FGF14: variants seen among roughly 807,000 people sequenced by gnomAD.
FGF14 encodes fibroblast growth factor homologous factor 4.
A neutral mutation model predicts 25.5 loss-of-function variants in FGF14; 5 were observed. The ratio of observed to expected loss-of-function variants is 0.20; its 90% CI spans 0.10 to 0.41. The LOEUF (loss-of-function observed/expected upper bound fraction) is 0.41. Among genes scored for constraint, FGF14 ranks in the 10% least tolerant of loss-of-function variants. The pLI is 1.00. For synonymous variants in FGF14, 138 were observed against 118.3 expected (o/e 1.17, Z -1.08); for missense variants, 222 against 320.1 (o/e 0.69, Z 2.34).
At chr13:102,074,522 A>C (rs901698419) in intron 1 of FGF14, among the ~76,000 whole-genome samples, 1 of 152,218 alleles carries the variant, frequency 6.6e-6, no homozygotes, top group African/African-American at 2.4e-5. Flanking sequence ...AACTGTAAAC[A>C]AGATAGATTT....
intron 1 of FGF14, among the ~76,000 whole-genome samples, chr13:102,375,744 A>G (rs2058025044): frequency 6.6e-6 from 1 of 152,146 alleles, no homozygotes; most frequent in Admixed American, 6.6e-5. Context: ...CCAAACCCAA[A>G]TCAGCAATTA....
At chr13:102,049,253 T>G (rs17688478) in intron 1 of FGF14, among the ~76,000 whole-genome samples, 4,091 of 152,302 alleles carry the variant, frequency 0.027, 274 homozygotes, top group East Asian at 0.19. Flanking sequence ...AAATGTCCTT[T>G]CTTTTACCTC....
chr13:102,140,051 C>CG (rs1025201591), intron 1 of FGF14, among the ~76,000 whole-genome samples: 2 of 144,442 alleles, frequency 1.4e-5, no homozygotes, highest in East Asian at 2.0e-4. Context: ...AGACCCCCCC[C>CG]CCCCCTTACA....
intron 3 of FGF14, among the ~76,000 whole-genome samples, chr13:101,828,495 A>G (rs2042514213): frequency 6.7e-6 from 1 of 149,442 alleles, no homozygotes; most frequent in African/African-American, 2.5e-5. Context: ...TTGCAAGATG[A>G]GAGAAAGCAT....
intron 1 of FGF14, among the ~76,000 whole-genome samples, chr13:102,180,999 G>A (rs1212780524): frequency 1.3e-5 from 2 of 152,036 alleles, no homozygotes; most frequent in African/African-American, 2.4e-5. Flanking sequence ...CACTCTAATA[G>A]GTTTTGGCCT....
At chr13:101,750,948 T>C (rs2139838727) in intron 3 of FGF14, among the ~76,000 whole-genome samples, 2 of 152,254 alleles carry the variant, frequency 1.3e-5, no homozygotes, top group South Asian at 4.1e-4. Context: ...CTATACACTA[T>C]ACGATTCCAA....
At chr13:102,396,258 T>C (rs557776901) in intron 1 of FGF14, among the ~76,000 whole-genome samples, 89 of 152,264 alleles carry the variant, frequency 5.8e-4, no homozygotes, top group African/African-American at 2.0e-3. Context: ...TGAGTTGGGC[T>C]CAAAGGTTTT....
At chr13:101,737,926 A>G (rs985343531) in intron 3 of FGF14, among the ~76,000 whole-genome samples, 1 of 152,190 alleles carries the variant, frequency 6.6e-6, no homozygotes, top group African/African-American at 2.4e-5. Context: ...AAATGAAACA[A>G]AAGGATCAAA....
At position 101,719,075 on chromosome 13, in the gene FGF14, T is replaced by G. The variant is rs2034827600; in HGVS notation, c.*3756A>C. ...TATTTCAATTATTTTCATCTTGTTC[T>G]CAACTGGATGTTAGTCAATGTGGTC... is the stretch of plus-strand genomic sequence containing the variant. On this transcript the variant is annotated 3_prime_UTR_variant, in exon 5 of 5. Transcript: ENST00000376143. 6.6e-6 allele frequency: 1 copy of G among 152,162 alleles called. No individual in the cohort carries two copies. The highest frequency in any genetic ancestry group is 1.5e-5 in the Non-Finnish European group (1 of 68,022). 9.4% of individuals were successfully genotyped at this position (152,162 alleles called of 1,614,324 possible). A position where few individuals can be genotyped will look rare whatever the true frequency, so the allele number is the denominator to read the frequency against.
chr13:102,346,438 G>C (rs866937347), intron 1 of FGF14, among the ~76,000 whole-genome samples: 1 of 147,418 alleles, frequency 6.8e-6, no homozygotes, highest in Non-Finnish European at 1.5e-5. Context: ...GTACAGCCTA[G>C]GGCCATCTGA....
intron 1 of FGF14, among the ~76,000 whole-genome samples, chr13:102,028,493 C>T (rs1423360570): frequency 6.6e-6 from 1 of 152,054 alleles, no homozygotes; most frequent in East Asian, 1.9e-4. Context: ...AAGTTTCTGT[C>T]ATGTATAAGT....
chr13:102,239,429 T>C (rs921036307), intron 1 of FGF14, among the ~76,000 whole-genome samples: 7 of 152,190 alleles, frequency 4.6e-5, no homozygotes, highest in African/African-American at 1.7e-4. Context: ...TACTTCTGGG[T>C]TGGGCATTCC....
chr13:102,144,665 A>G (rs1051181134), intron 1 of FGF14, among the ~76,000 whole-genome samples: 13 of 152,158 alleles, frequency 8.5e-5, no homozygotes, highest in East Asian at 3.9e-4. Context: ...AATTGGAAAA[A>G]TCATGAATCA....
chr13:102,265,515 A>C (rs565176005), intron 1 of FGF14, among the ~76,000 whole-genome samples: 2 of 152,320 alleles, frequency 1.3e-5, no homozygotes, highest in South Asian at 4.1e-4. Flanking sequence ...ATATGGAAAA[A>C]TGGAAGTGTT....
chr13:102,063,559 T>C (rs889949653), intron 1 of FGF14, among the ~76,000 whole-genome samples: 1 of 151,332 alleles, frequency 6.6e-6, no homozygotes, highest in African/African-American at 2.4e-5. Context: ...GAGGTTGCAG[T>C]GAGCCAAGAT....
chr13:101,933,776 A>C (rs1038053257), intron 1 of FGF14, among the ~76,000 whole-genome samples: 1 of 152,176 alleles, frequency 6.6e-6, no homozygotes, highest in Non-Finnish European at 1.5e-5. Flanking sequence ...TGGTATATTT[A>C]ATCTGTCTTA....
chr13:102,134,519 G>A (rs2046327542), intron 1 of FGF14, among the ~76,000 whole-genome samples: 1 of 152,316 alleles, frequency 6.6e-6, no homozygotes, highest in East Asian at 1.9e-4. Flanking sequence ...TATGTAGCCT[G>A]TCTTAGCATT....
intron 1 of FGF14, among the ~76,000 whole-genome samples, chr13:102,246,163 T>G (rs1408211286): frequency 6.6e-6 from 1 of 152,054 alleles, no homozygotes; most frequent in Non-Finnish European, 1.5e-5. Flanking sequence ...AGAATTCATC[T>G]CTCCTTTACA....
intron 1 of FGF14, among the ~76,000 whole-genome samples, chr13:102,370,420 T>G (rs894756905): frequency 6.6e-6 from 1 of 152,184 alleles, no homozygotes. Context: ...GTACATGTGA[T>G]GTTTTGATAC....
Sources: allele counts gnomAD v4.1 joint callset (sites outside exome capture counted in the v4.1 genomes callset), GRCh38; gene constraint gnomAD v4.1.1; transcripts MANE v1.5; gene names NCBI Gene and HGNC (gene_info 2026-07-23, HGNC 2026-07-21).